Variants in CCSER1 observed in about 807,000 individuals in gnomAD.
The protein encoded by CCSER1 is serine-rich coiled-coil domain-containing protein 1.
In CCSER1, 41 loss-of-function variants were observed where a neutral mutation model predicts 82.0. The observed-to-expected ratio is 0.50, with a 90% CI of 0.39 to 0.65. The LOEUF is 0.65. Among genes scored for constraint, CCSER1 ranks in the 30% least tolerant of loss-of-function variants. The pLI is 0.00. For synonymous variants in CCSER1, 414 were observed against 383.9 expected (o/e 1.08, Z -0.92); for missense variants, 1,119 against 1,064.2 (o/e 1.05, Z -0.72).
intron 1 of CCSER1, among the ~76,000 whole-genome samples, chr4:90,204,429 A>G (rs548208433): frequency 1.7e-4 from 26 of 152,184 alleles, no homozygotes; most frequent in South Asian, 6.2e-4. Context: ...AGTTTTCCCA[A>G]CACCATTTAT....
chr4:90,920,384 G>C (rs552480271), intron 8 of CCSER1, among the ~76,000 whole-genome samples: 1 of 151,996 alleles, frequency 6.6e-6, no homozygotes, highest in East Asian at 1.9e-4. Flanking sequence ...GCATAAACTT[G>C]AGTTACCACT....
intron 10 of CCSER1, among the ~76,000 whole-genome samples, chr4:91,122,477 A>C (rs1727169851): frequency 6.6e-6 from 1 of 151,696 alleles, no homozygotes; most frequent in African/African-American, 2.4e-5. Context: ...CTGAAAAACT[A>C]TATGCAAATA....
At chr4:91,338,070 C>T (rs895937821) in intron 10 of CCSER1, among the ~76,000 whole-genome samples, 3 of 151,938 alleles carry the variant, frequency 2.0e-5, no homozygotes, top group Non-Finnish European at 4.4e-5. Flanking sequence ...ATTACTTATC[C>T]CTCTTGTATG....
At chr4:90,547,387 G>C (rs1776902572) in intron 5 of CCSER1, among the ~76,000 whole-genome samples, 1 of 151,900 alleles carries the variant, frequency 6.6e-6, no homozygotes, top group Admixed American at 6.6e-5. Context: ...TTCACAATTT[G>C]TATCCAGGAA....
rs114698801 is a variant in CCSER1, at chr4:90,901,207, C to T, written c.2095-22163C>T. ...TTTTGCATGAGATATGTCTCTTGAA[C>T]GCAGTAGATGGTTGGGTCTCTCTTT... On this transcript the variant is annotated intron_variant, in intron 8 of 10. Coordinates refer to ENST00000509176, the MANE Select transcript of CCSER1 (RefSeq NM_001145065.2). 9.5e-3 allele frequency among the ~76,000 whole-genome samples: 1,439 copies of T among 151,854 alleles called. 20 individuals carry two copies. Among genetic ancestry groups the T allele is most frequent in the African/African-American group, 0.033 (1,366 of 41,450 alleles).
At chr4:90,825,540 G>A (rs1760300297) in intron 8 of CCSER1, among the ~76,000 whole-genome samples, 1 of 152,056 alleles carries the variant, frequency 6.6e-6, no homozygotes, top group Non-Finnish European at 1.5e-5. Flanking sequence ...TGCAGAAGGG[G>A]AAATATGTGT....
chr4:91,227,448 T>TTG (rs1382073578), intron 10 of CCSER1, among the ~76,000 whole-genome samples: 1 of 151,362 alleles, frequency 6.6e-6, no homozygotes, highest in African/African-American at 2.4e-5. Flanking sequence ...GTGTGTGTGT[T>TTG]TGTGTGTGTG....
At chr4:90,685,892 G>C (rs1734739895) in intron 6 of CCSER1, among the ~76,000 whole-genome samples, 1 of 152,148 alleles carries the variant, frequency 6.6e-6, no homozygotes, top group Admixed American at 6.6e-5. Flanking sequence ...AGCTGAGATG[G>C]TAACAACTTT....
intron 10 of CCSER1, among the ~76,000 whole-genome samples, chr4:91,412,544 A>C (rs1221507390): frequency 1.3e-5 from 2 of 152,078 alleles, no homozygotes; most frequent in Admixed American, 1.3e-4. Flanking sequence ...GTCCTTATGG[A>C]AGTCCAACCC....
At chr4:90,605,462 A>C (rs1784577570) in intron 5 of CCSER1, among the ~76,000 whole-genome samples, 1 of 152,236 alleles carries the variant, frequency 6.6e-6, no homozygotes, top group Admixed American at 6.5e-5. Context: ...TTCACAAGTC[A>C]AAATAAACTT....
chr4:90,499,433 A>T (rs909225975), intron 5 of CCSER1, among the ~76,000 whole-genome samples: 5 of 152,206 alleles, frequency 3.3e-5, no homozygotes, highest in Middle Eastern at 3.4e-3. Context: ...CTTAGCAAAA[A>T]CTGTGCATGT....
At position 90,309,439 on chromosome 4, in the gene CCSER1, G is replaced by T; in HGVS notation, c.1155G>T (p.Met385Ile). ...ENIGLQNGET[M>I]LGTNSPRKLG... ...TAGGGTTACAAAATGGTGAAACAATGCTGGGGACAAACTCCCCAAGGAAAC... is the reference window on the plus strand; with the variant it reads ...TAGGGTTACAAAATGGTGAAACAATTCTGGGGACAAACTCCCCAAGGAAAC... The change falls in exon 2 of 11, where the codon ATG (methionine) becomes ATT (isoleucine). Residue 385 changes from methionine (M) to isoleucine (I), a missense_variant. Met to Ile is a conservative substitution (Grantham distance 10). Transcript: ENST00000509176. 6.2e-7 allele frequency: 1 copy of T among 1,613,846 alleles called. No individual in the cohort carries two copies. The highest frequency in any genetic ancestry group is 1.1e-5 in the South Asian group (1 of 91,080).
At chr4:91,251,638 T>C (rs534492023) in intron 10 of CCSER1, among the ~76,000 whole-genome samples, 19 of 152,284 alleles carry the variant, frequency 1.2e-4, no homozygotes, top group African/African-American at 4.6e-4. Context: ...ATATTTGAAA[T>C]TAGTGGTTAT....
intron 10 of CCSER1, among the ~76,000 whole-genome samples, chr4:91,185,480 C>T (rs907991309): frequency 2.0e-5 from 3 of 152,298 alleles, no homozygotes; most frequent in East Asian, 1.9e-4. Flanking sequence ...GGGGGTTCCC[C>T]AGGCAGAAGG....
At chr4:91,057,476 T>C (rs1248125552) in intron 9 of CCSER1, among the ~76,000 whole-genome samples, 3 of 152,154 alleles carry the variant, frequency 2.0e-5, no homozygotes, top group African/African-American at 7.2e-5. Flanking sequence ...AGAGAAACAG[T>C]AAGGAGGCTA....
At chr4:91,219,928 C>T (rs1028254682) in intron 10 of CCSER1, among the ~76,000 whole-genome samples, 7 of 152,118 alleles carry the variant, frequency 4.6e-5, no homozygotes, top group African/African-American at 1.7e-4. Context: ...ATTTCCCATA[C>T]TTTCATTTGA....
chr4:90,543,750 C>T (rs7673757), intron 5 of CCSER1, among the ~76,000 whole-genome samples: 71,951 of 152,034 alleles, frequency 0.47, 21,514 homozygotes, highest in African/African-American at 0.86. Context: ...AATTTAAAGA[C>T]AGTATCATAT....
At chr4:90,597,164 G>T (rs2148725487) in intron 5 of CCSER1, among the ~76,000 whole-genome samples, 1 of 152,010 alleles carries the variant, frequency 6.6e-6, no homozygotes, top group South Asian at 2.1e-4. Context: ...TTGTAAAATT[G>T]AAATCAAGGT....
intron 10 of CCSER1, among the ~76,000 whole-genome samples, chr4:91,421,935 C>T (rs754116663): frequency 6.6e-6 from 1 of 151,912 alleles, no homozygotes; most frequent in Non-Finnish European, 1.5e-5. Context: ...AAGCCAGGAT[C>T]GAAGAAATGC....
Sources: gnomAD v4.1 joint callset for allele counts (sites outside exome capture counted in the v4.1 genomes callset) on GRCh38, gnomAD v4.1.1 for gene constraint, MANE v1.5 for transcripts, NCBI Gene and HGNC (gene_info 2026-07-23, HGNC 2026-07-21) for gene names.